Variants in MUC12 observed in about 807,000 individuals in gnomAD.
MUC12 encodes mucin 12, cell surface associated.
Under a neutral mutation model 230.8 loss-of-function variants are expected in MUC12, and 172 were observed. That is an observed-to-expected ratio of 0.75 (90% CI 0.66 to 0.85). The LOEUF (loss-of-function observed/expected upper bound fraction) is 0.85, where lower values mean the gene tolerates loss of function less well. Among genes scored for constraint, MUC12 ranks in the 40% least tolerant of loss-of-function variants. The probability of loss-of-function intolerance (pLI) is 0.00; values close to 1 mark genes in which losing one functional copy is unlikely to be tolerated. For missense variants in MUC12, 3,506 were observed against 5,920.6 expected (o/e 0.59, Z 13.38); for synonymous variants, 1,259 against 2,401.9 (o/e 0.52, Z 13.91).
chr7:101,014,037 A>C lies in MUC12; in HGVS notation c.15763A>C (p.Ile5255Leu), dbSNP rs1186952226. ...AVLLLALIILIILFSLSQRKR... is the reference protein window; with the variant it reads ...AVLLLALIILLILFSLSQRKR... ...GCTGCTGCTCGCATTGATCATCCTA[A>C]TCATCTTATTCAGCCTATCCCAGAG... Residue 5255 changes from isoleucine (I) to leucine (L), a missense_variant, in exon 9 of 12, where the codon ATC (isoleucine) becomes CTC (leucine). Transcript: ENST00000536621. 1.3e-6 allele frequency: 2 copies of C among 1,536,652 alleles called. No individual in the cohort carries two copies. The highest frequency in any genetic ancestry group is 1.7e-6 in the Non-Finnish European group (2 of 1,146,664).
Position 101,013,015 on chromosome 7 carries a change from C to T in MUC12, c.15511C>T (p.Gln5171Ter). Reference sequence around the variant, plus strand: ...CCAGAAGGCTGCCGAAGGATATACCCAGTTCTACTATGTGGATGTCTTGGA... The same window carrying T: ...CCAGAAGGCTGCCGAAGGATATACCTAGTTCTACTATGTGGATGTCTTGGA... ...CTQKAAEGYT[Q>*]FYYVDVLDGK... The change falls in exon 8 of 12, where the codon CAG becomes TAG. Residue 5171 changes from glutamine (Q) to a stop codon, truncating the protein, a stop_gained. Coordinates refer to ENST00000536621, the MANE Select transcript of MUC12 (RefSeq NM_001164462.2). LOFTEE classifies it high-confidence loss of function. The T allele has an allele frequency of 2.0e-6, 3 of 1,537,372 alleles. No homozygotes were observed. Among genetic ancestry groups the T allele is most frequent in the Non-Finnish European group, 2.6e-6 (3 of 1,146,946 alleles).
In MUC12 at chr7:101,018,612, G is replaced by A. The variant is rs1385574592; in HGVS notation, c.15984G>A (p.Pro5328=). The part of the protein sequence containing the change: ...DSGTELHIQR[P]EMVASTV ...TCCCCCAGCTCCACATCCAGAGGCC[G>A]GAGATGGTAGCATCCACTGTGTGAG... Residue 5328 remains proline (P), a synonymous_variant, in exon 12 of 12, where the codon CCG becomes CCA. Transcript: ENST00000536621. The A allele has an allele frequency of 1.9e-5, 29 of 1,535,800 alleles. No homozygotes were observed. The South Asian group carries it at 1.9e-4, about 10-fold the overall frequency.
chr7:100,981,534 G>A, intron 1 of MUC12: 1 of 440,566 alleles, frequency 2.3e-6, no homozygotes. Context: ...AACTGAATGT[G>A]AGATTTCAGA....
chr7:100,982,352 C>T (rs2116280458), intron 1 of MUC12, among the ~76,000 whole-genome samples: 2 of 152,236 alleles, frequency 1.3e-5, no homozygotes, highest in African/African-American at 2.4e-5. Flanking sequence ...ACATGGTGTT[C>T]TTCTGCCCTG....
At chr7:101,011,067 C>T (rs1052700600) in intron 5 of MUC12, among the ~76,000 whole-genome samples, 1 of 152,068 alleles carries the variant, frequency 6.6e-6, no homozygotes, top group Non-Finnish European at 1.5e-5. Context: ...TGGCACAAAA[C>T]GAGGGTGTCC....
intron 1 of MUC12, among the ~76,000 whole-genome samples, chr7:100,980,284 C>T (rs1055986910): frequency 1.3e-5 from 2 of 152,142 alleles, no homozygotes; most frequent in Non-Finnish European, 2.9e-5. Flanking sequence ...CTCGTGATCC[C>T]GCCCGCCTTG....
At chr7:101,012,549 T>G (rs1793853825) in intron 6 of MUC12, 102 bp downstream of exon 6, 1 of 1,335,324 alleles carries the variant, frequency 7.5e-7, no homozygotes, top group African/African-American at 1.5e-5. Context: ...CTCCCAAGAC[T>G]TCTGCCACAG....
At position 100,991,519 on chromosome 7, in the gene MUC12, C is replaced by A. The variant is rs1244357431; in HGVS notation, c.956C>A (p.Ala319Asp). The change falls in exon 2 of 12, where the codon GCC (alanine) becomes GAC (aspartate). Residue 319 changes from alanine to aspartate, a missense_variant. Coordinates refer to ENST00000536621, the MANE Select transcript of MUC12 (RefSeq NM_001164462.2). ...TCAACTCCAACAACCCACTTTTCTG[C>A]CAGCTCCACAACCTTGGGCCATAGT... Reference protein sequence around the residue: ...PSSTPTTHFSASSTTLGHSEE... With the variant: ...PSSTPTTHFSDSSTTLGHSEE... 2 of 1,537,028 alleles carry A rather than the reference C, an allele frequency of 1.3e-6. No homozygotes were observed. The highest frequency in any genetic ancestry group is 1.7e-6 in the Non-Finnish European group (2 of 1,146,540).
At chr7:100,972,200 C>A (rs1792917595) in intron 1 of MUC12, 1 of 703,120 alleles carries the variant, frequency 1.4e-6, no homozygotes, top group Non-Finnish European at 2.6e-6. Context: ...GAAGTCGGGG[C>A]AGATGAGGAT....
intron 1 of MUC12, among the ~76,000 whole-genome samples, chr7:100,990,359 C>G (rs768174524): frequency 9.2e-5 from 14 of 152,216 alleles, no homozygotes; most frequent in Non-Finnish European, 1.5e-4. Flanking sequence ...CCCCCAATAG[C>G]CAACAGCTCA....
At chr7:100,989,857 A>T (rs1467816968) in intron 1 of MUC12, among the ~76,000 whole-genome samples, 1 of 151,918 alleles carries the variant, frequency 6.6e-6, no homozygotes, top group Non-Finnish European at 1.5e-5. Context: ...CACCTGGCTA[A>T]TTTTTTTGTA....
intron 1 of MUC12, 62 bp downstream of exon 1, chr7:100,969,751 CT>C (rs1313132235): frequency 1.0e-5 from 16 of 1,532,694 alleles, no homozygotes; most frequent in Non-Finnish European, 1.7e-6. Context: ...GTACATGCCC[CT>C]GCCTCAGGCA....
chr7:101,011,758 C>G (rs973289971), intron 5 of MUC12, among the ~76,000 whole-genome samples: 1 of 152,188 alleles, frequency 6.6e-6, no homozygotes, highest in Admixed American at 6.5e-5. Context: ...TAATATTCCA[C>G]AATAGACCAC....
chr7:101,013,925 G>A lies in MUC12; in HGVS notation c.15651G>A (p.Thr5217=), dbSNP rs748677854. The change falls in exon 9 of 12, where the codon ACG becomes ACA. Residue 5217 remains threonine, a synonymous_variant. Transcript: ENST00000536621. ...TCTGTGTCCCCAGGTGCCCAAATAC[G>A]AACACACACTGGTACTGGGGAGAGA... ...RSGPRCLCPN[T]NTHWYWGETC... is the part of the protein sequence containing the mutation. 34 of 1,535,228 alleles carry A rather than the reference G, an allele frequency of 2.2e-5. No homozygotes were observed. Among genetic ancestry groups the A allele is most frequent in the Admixed American group, 3.9e-5 (2 of 50,754 alleles).
chr7:101,015,356 C>A (rs539355064), intron 9 of MUC12: 1 of 501,148 alleles, frequency 2.0e-6, no homozygotes, highest in South Asian at 2.2e-5. Flanking sequence ...AAGGGAGCTA[C>A]CCTACGCCCC....
At chr7:100,982,998 A>G (rs1036108718) in intron 1 of MUC12, among the ~76,000 whole-genome samples, 1 of 151,598 alleles carries the variant, frequency 6.6e-6, no homozygotes, top group Non-Finnish European at 1.5e-5. Flanking sequence ...GCCTCCCAAA[A>G]TGCTGGGATT....
intron 2 of MUC12, among the ~76,000 whole-genome samples, chr7:101,005,829 G>C (rs866101074): frequency 6.8e-6 from 1 of 147,750 alleles, no homozygotes; most frequent in Non-Finnish European, 1.5e-5. Flanking sequence ...ACAGAGTGTT[G>C]CTCTGTTGCC....
chr7:101,007,225 C>A (rs966220162), intron 3 of MUC12, among the ~76,000 whole-genome samples: 2 of 152,242 alleles, frequency 1.3e-5, no homozygotes, highest in African/African-American at 4.8e-5. Flanking sequence ...TCCCAAAGTG[C>A]TGGGATTACA....
chr7:100,971,374 G>T (rs867873432), intron 1 of MUC12, among the ~76,000 whole-genome samples: 3 of 146,066 alleles, frequency 2.1e-5, no homozygotes, highest in Admixed American at 2.0e-4. Context: ...GAGACCTTGA[G>T]TTGAAGGCTG....
Sources: gnomAD v4.1 joint callset for allele counts (sites outside exome capture counted in the v4.1 genomes callset) on GRCh38, gnomAD v4.1.1 for gene constraint, MANE v1.5 for transcripts, NCBI Gene and HGNC (gene_info 2026-07-23, HGNC 2026-07-21) for gene names.